Variants in WIPF1 observed in about 807,000 individuals in gnomAD.
WIPF1 encodes WAS/WASL-interacting protein family member 1.
WIPF1 carries 13 observed loss-of-function variants against 35.4 expected under a neutral mutation model. The observed-to-expected ratio is 0.37, with a 90% CI of 0.24 to 0.58. The LOEUF is 0.58. Among genes scored for constraint, WIPF1 ranks in the 20% least tolerant of loss-of-function variants. The pLI, the probability that WIPF1 is intolerant of heterozygous loss-of-function variation, is 0.74. For missense variants in WIPF1, 591 were observed against 667.0 expected, an observed-to-expected ratio of 0.89 and a Z score of 1.25; for synonymous variants, 267 against 266.3, an observed-to-expected ratio of 1.00 and a Z score of -0.02.
In WIPF1 at chr2:174,562,382, A is replaced by T; in HGVS notation, c.*165T>A. ...AAACACAATATGAAAAGCTAGGTGC[A>T]TTTCTTACCGATTCCCACCCACACA... On this transcript the variant is annotated 3_prime_UTR_variant, in exon 8 of 8. Coordinates refer to ENST00000679041, the MANE Select transcript of WIPF1 (RefSeq NM_001375834.1). The T allele has an allele frequency of 6.7e-7, 1 of 1,490,324 alleles. No homozygotes were observed. The highest frequency in any genetic ancestry group is 8.9e-7 in the Non-Finnish European group (1 of 1,118,330). The allele number at this position is 1,490,324 out of a possible 1,614,324, so 92.3% of individuals were successfully genotyped here.
chr2:174,569,927 T>G (rs1159602190), intron 5 of WIPF1, among the ~76,000 whole-genome samples: 2 of 152,230 alleles, frequency 1.3e-5, no homozygotes, highest in Non-Finnish European at 2.9e-5. Context: ...CTTGTGGGAA[T>G]GTAAATTGGT....
chr2:174,641,451 G>A (rs1687292057), intron 1 of WIPF1, among the ~76,000 whole-genome samples: 1 of 152,174 alleles, frequency 6.6e-6, no homozygotes, highest in African/African-American at 2.4e-5. Flanking sequence ...CACAGTGGCA[G>A]GACTGACCAG....
chr2:174,677,549 G>C (rs933976496), intron 1 of WIPF1, among the ~76,000 whole-genome samples: 1 of 152,194 alleles, frequency 6.6e-6, no homozygotes. Context: ...ATGGAGAAGA[G>C]AACATTTTGG....
intron 1 of WIPF1, among the ~76,000 whole-genome samples, chr2:174,651,348 AC>A (rs1198782968): frequency 6.6e-6 from 1 of 152,366 alleles, no homozygotes; most frequent in East Asian, 1.9e-4. Context: ...TTAAAAAAAA[AC>A]AACAAAGTAC....
At chr2:174,653,313 T>G (rs533188484) in intron 1 of WIPF1, among the ~76,000 whole-genome samples, 131 of 152,248 alleles carry the variant, frequency 8.6e-4, no homozygotes, top group African/African-American at 2.5e-3. Flanking sequence ...TTGCTGACAC[T>G]TCTTTGGGTG....
At chr2:174,607,676 T>C (rs542467997) in intron 1 of WIPF1, among the ~76,000 whole-genome samples, 47 of 152,238 alleles carry the variant, frequency 3.1e-4, no homozygotes, top group African/African-American at 1.1e-3. Context: ...AGGGATTTTG[T>C]GCTTGCTGTC....
At chr2:174,569,854 C>G (rs1684776523) in intron 5 of WIPF1, among the ~76,000 whole-genome samples, 4 of 152,120 alleles carry the variant, frequency 2.6e-5, no homozygotes, top group Admixed American at 2.6e-4. Flanking sequence ...AGGCCCACTC[C>G]CCATAACACT....
At chr2:174,624,041 CAT>C (rs758186461) in intron 1 of WIPF1, among the ~76,000 whole-genome samples, 40 of 151,966 alleles carry the variant, frequency 2.6e-4, no homozygotes, top group Admixed American at 1.3e-3. Flanking sequence ...AAAAAAAAAA[CAT>C]GTGGTACTGC....
upstream of WIPF1, among the ~76,000 whole-genome samples, chr2:174,601,705 G>A (rs1448389239): frequency 6.6e-6 from 1 of 152,218 alleles, no homozygotes; most frequent in Non-Finnish European, 1.5e-5. Flanking sequence ...AGCTTTTCCA[G>A]CAGCCACGTT....
chr2:174,625,343 G>A (rs1175857316), intron 1 of WIPF1, among the ~76,000 whole-genome samples: 1 of 152,150 alleles, frequency 6.6e-6, no homozygotes, highest in African/African-American at 2.4e-5. Context: ...GAGGTCTCAG[G>A]TTTTAGGCTT....
chr2:174,592,392 A>G (rs1211252130), intron 1 of WIPF1, among the ~76,000 whole-genome samples: 3 of 152,020 alleles, frequency 2.0e-5, no homozygotes, highest in African/African-American at 4.8e-5. Context: ...TGCTCTATAA[A>G]TGTTGCTAAA....
intron 1 of WIPF1, among the ~76,000 whole-genome samples, chr2:174,618,220 G>C (rs1686569048): frequency 6.6e-6 from 1 of 152,234 alleles, no homozygotes. Flanking sequence ...AACTGGACCA[G>C]GCCAGCCAGG....
rs775792472 is a variant in WIPF1 at position 174,575,348 on chromosome 2, C to G, written c.214G>C (p.Gly72Arg). Residue 72 changes from glycine to arginine, a missense_variant, in exon 4 of 8, where the codon GGT (glycine) becomes CGT (arginine). Physicochemically the swap from Gly to Arg is moderately radical, Grantham distance 125. This residue lies in a region of WIPF1 where 471 missense variants were observed against 501.1 expected (regional missense o/e 0.94). Transcript: ENST00000679041. Reference protein sequence around the residue: ...PKGAGAGGGGGGFGGGGGFGG... With the variant: ...PKGAGAGGGGRGFGGGGGFGG... ...AATCCGCCGCCTCCACCAAAGCCAC[C>G]ACCACCGCCTCCAGCACCAGCTCCT... is the stretch of plus-strand genomic sequence containing the variant. 3 of 1,613,308 alleles carry G rather than the reference C, an allele frequency of 1.9e-6. No individual in the cohort carries two copies. In the South Asian group the frequency reaches 3.3e-5, roughly 18 times the overall value.
chr2:174,642,690 C>A (rs1687324727), intron 1 of WIPF1, among the ~76,000 whole-genome samples: 1 of 143,860 alleles, frequency 7.0e-6, no homozygotes, highest in Non-Finnish European at 1.5e-5. Flanking sequence ...CCCTCTGTCG[C>A]CCAGGCTGGA....
At position 174,559,825 on chromosome 2, in the gene WIPF1, T is replaced by G. The variant is rs529491091; in HGVS notation, c.*2722A>C. 2 of 152,698 alleles carry G rather than the reference T, an allele frequency of 1.3e-5. No individual in the cohort carries two copies. Among genetic ancestry groups the G allele is most frequent in the Non-Finnish European group, 2.9e-5 (2 of 67,992 alleles). The allele number at this position is 152,698 out of a possible 1,614,324, so 9.5% of individuals were successfully genotyped here. On this transcript the variant is annotated 3_prime_UTR_variant, in exon 8 of 8. Coordinates refer to ENST00000679041, the MANE Select transcript of WIPF1 (RefSeq NM_001375834.1). ...ATTTCTGCTACTAAAATAACAAAAC[T>G]GGTATTACACTTTAAAATATAAAGA...
chr2:174,565,293 C>G (rs894038253), intron 7 of WIPF1, among the ~76,000 whole-genome samples: 1 of 152,154 alleles, frequency 6.6e-6, no homozygotes, highest in Non-Finnish European at 1.5e-5. Flanking sequence ...TCCACAGAAA[C>G]AAATCTTTTC....
intron 1 of WIPF1, among the ~76,000 whole-genome samples, chr2:174,650,139 A>T (rs1212493126): frequency 6.6e-6 from 1 of 151,624 alleles, no homozygotes; most frequent in African/African-American, 2.4e-5. Flanking sequence ...GGTTCAGGGG[A>T]CCTCTTCCTT....
intron 1 of WIPF1, among the ~76,000 whole-genome samples, chr2:174,597,328 A>G (rs1685851946): frequency 6.6e-6 from 1 of 152,234 alleles, no homozygotes; most frequent in African/African-American, 2.4e-5. Context: ...TTAAATGGGA[A>G]AATAAATTCC....
At chr2:174,631,032 G>A (rs1451758401) in intron 1 of WIPF1, among the ~76,000 whole-genome samples, 1 of 152,206 alleles carries the variant, frequency 6.6e-6, no homozygotes, top group Non-Finnish European at 1.5e-5. Context: ...GTTTTGGGAG[G>A]AAGAGTGGTA....
Sources: allele counts gnomAD v4.1 joint callset (sites outside exome capture counted in the v4.1 genomes callset), GRCh38; gene constraint gnomAD v4.1.1; regional missense constraint gnomAD v4.1.1; transcripts MANE v1.5; gene names NCBI Gene and HGNC (gene_info 2026-07-23, HGNC 2026-07-21).